Variants in ROBO1 observed in about 807,000 individuals in gnomAD.
The protein encoded by ROBO1 is roundabout guidance receptor 1.
In ROBO1, 149 loss-of-function variants were observed where a neutral mutation model predicts 195.9. The ratio of observed to expected loss-of-function variants is 0.76; its 90% CI spans 0.67 to 0.87. The LOEUF is 0.87. Among genes scored for constraint, ROBO1 ranks in the 40% least tolerant of loss-of-function variants. The probability of loss-of-function intolerance (pLI) is 0.00; values close to 1 mark genes in which losing one functional copy is unlikely to be tolerated. For missense variants in ROBO1, 1,933 were observed against 2,068.3 expected (o/e 0.93, Z 1.27); for synonymous variants, 816 against 733.2 (o/e 1.11, Z -1.82).
At chr3:78,689,935 T>C (rs546768528) in intron 8 of ROBO1, among the ~76,000 whole-genome samples, 1 of 151,104 alleles carries the variant, frequency 6.6e-6, no homozygotes, top group Non-Finnish European at 1.5e-5. Context: ...TTTGAAAAGA[T>C]ACTTTTCTTT....
rs541124406 is a variant in ROBO1 at position 78,950,471 on chromosome 3, C to T, written c.173-11544G>A. Reference sequence around the variant, plus strand: ...GTGGGAATTGAACAACGAGAACACACGGACACAGGAAGGGGAACATCACAC... The same window carrying T: ...GTGGGAATTGAACAACGAGAACACATGGACACAGGAAGGGGAACATCACAC... On this transcript the variant is annotated intron_variant, in intron 3 of 30. Transcript: ENST00000464233. 7.4e-3 allele frequency among the ~76,000 whole-genome samples: 937 copies of T among 127,182 alleles called. 9 individuals are homozygous for T. Among genetic ancestry groups the T allele is most frequent in the African/African-American group, 0.028 (911 of 32,632 alleles). 83.4% of individuals were successfully genotyped at this position (127,182 alleles called of 152,430 possible).
At chr3:78,716,437 A>C (rs183464422) in intron 7 of ROBO1, among the ~76,000 whole-genome samples, 108 of 152,206 alleles carry the variant, frequency 7.1e-4, no homozygotes, top group African/African-American at 2.4e-3. Context: ...ATCAGATCTC[A>C]TGAGAACTCA....
intron 1 of ROBO1, among the ~76,000 whole-genome samples, chr3:79,699,621 A>T (rs1327062011): frequency 4.0e-5 from 6 of 151,552 alleles, no homozygotes; most frequent in Non-Finnish European, 8.9e-5. Context: ...AAAGTCTTGG[A>T]TAGGAGCTGC....
intron 1 of ROBO1, among the ~76,000 whole-genome samples, chr3:79,725,389 G>A (rs971438342): frequency 5.3e-5 from 8 of 151,658 alleles, no homozygotes; most frequent in Non-Finnish European, 1.0e-4. Context: ...ACCACGCCCG[G>A]CTAATTTTTT....
chr3:79,657,149 T>C (rs1380012388), intron 1 of ROBO1, among the ~76,000 whole-genome samples: 1 of 152,046 alleles, frequency 6.6e-6, no homozygotes, highest in African/African-American at 2.4e-5. Context: ...AACTACCTTA[T>C]AAACACATAG....
At chr3:78,711,058 A>G (rs1257870659) in intron 8 of ROBO1, among the ~76,000 whole-genome samples, 1 of 152,200 alleles carries the variant, frequency 6.6e-6, no homozygotes, top group Non-Finnish European at 1.5e-5. Context: ...ATTTCATTGT[A>G]TATATTTAAA....
intron 3 of ROBO1, among the ~76,000 whole-genome samples, chr3:79,074,500 C>A (rs2079139007): frequency 6.6e-6 from 1 of 151,732 alleles, no homozygotes; most frequent in Non-Finnish European, 1.5e-5. Flanking sequence ...CTCACTGTAG[C>A]CTTGACCTCC....
chr3:78,717,638 T>G lies in ROBO1; in HGVS notation c.778+125A>C, dbSNP rs367620397. Reference sequence around the variant, plus strand: ...CTCAAGCTGCTTTTCTGATTTCTTCTCTCCTCTTTCTACCCACCCCCTAAA... The same window carrying G: ...CTCAAGCTGCTTTTCTGATTTCTTCGCTCCTCTTTCTACCCACCCCCTAAA... On this transcript the variant is annotated intron_variant, in intron 6 of 30. Transcript: ENST00000464233. The G allele has an allele frequency of 1.2e-5, 13 of 1,121,908 alleles. No individual in the cohort carries two copies. In the East Asian group the frequency reaches 1.8e-4, roughly 16 times the overall value. The allele number at this position is 1,121,908 out of a possible 1,614,324, so 69.5% of individuals were successfully genotyped here. A position where few individuals can be genotyped will look rare whatever the true frequency, so the allele number is the denominator to read the frequency against.
At chr3:78,864,959 G>A (rs532071073) in intron 4 of ROBO1, among the ~76,000 whole-genome samples, 2 of 152,046 alleles carry the variant, frequency 1.3e-5, no homozygotes, top group African/African-American at 2.4e-5. Flanking sequence ...AAATTTTCAC[G>A]TTTGATCGCT....
intron 10 of ROBO1, among the ~76,000 whole-genome samples, chr3:78,682,075 C>T (rs891234194): frequency 2.6e-5 from 4 of 152,010 alleles, no homozygotes; most frequent in East Asian, 1.9e-4. Context: ...CAAATTCCTC[C>T]AGAACTTCTT....
At chr3:79,213,862 G>A (rs1174919847) in intron 2 of ROBO1, among the ~76,000 whole-genome samples, 1 of 114,136 alleles carries the variant, frequency 8.8e-6, no homozygotes. Context: ...GTCTCATTCT[G>A]TCACCCAGGC....
Position 79,649,522 on chromosome 3 carries a change from G to A in ROBO1, c.-50-59561C>T, listed in dbSNP as rs113072120. Among the ~76,000 whole-genome samples, 989 of 151,838 alleles carry A rather than the reference G, an allele frequency of 6.5e-3. 10 individuals carry two copies. The highest frequency in any genetic ancestry group is 0.022 in the African/African-American group (930 of 41,424). Reference sequence around the variant, plus strand: ...TTCAGATGCAAACATTTAAACACTCGTGAATCAAAAGAATCATGAGAAAAG... The same window carrying A: ...TTCAGATGCAAACATTTAAACACTCATGAATCAAAAGAATCATGAGAAAAG... On this transcript the variant is annotated intron_variant, in intron 1 of 30. Transcript: ENST00000464233.
intron 1 of ROBO1, among the ~76,000 whole-genome samples, chr3:79,634,259 C>T (rs904255301): frequency 6.6e-6 from 1 of 152,132 alleles, no homozygotes; most frequent in Admixed American, 6.6e-5. Context: ...AAACAGTGCC[C>T]AGCAAGGGAA....
At chr3:79,186,037 G>C (rs1174305038) in intron 2 of ROBO1, among the ~76,000 whole-genome samples, 1 of 151,996 alleles carries the variant, frequency 6.6e-6, no homozygotes, top group African/African-American at 2.4e-5. Flanking sequence ...TTATTTTAAT[G>C]ATGAGGAATA....
intron 3 of ROBO1, among the ~76,000 whole-genome samples, chr3:79,076,098 C>T (rs2079167916): frequency 6.6e-6 from 1 of 150,692 alleles, no homozygotes; most frequent in Non-Finnish European, 1.5e-5. Context: ...TATAACAACA[C>T]CTATCTTATA....
chr3:79,467,831 G>C (rs984093780), intron 2 of ROBO1, among the ~76,000 whole-genome samples: 3 of 152,194 alleles, frequency 2.0e-5, no homozygotes, highest in African/African-American at 4.8e-5. Flanking sequence ...CGTGGGGCTA[G>C]AGCCTGAAAG....
intron 1 of ROBO1, among the ~76,000 whole-genome samples, chr3:79,740,672 T>C (rs1703607944): frequency 6.6e-6 from 1 of 152,094 alleles, no homozygotes; most frequent in African/African-American, 2.4e-5. Flanking sequence ...ACCGCCCCCA[T>C]GATTCAATTC....
chr3:79,155,191 C>CTT (rs767715767), intron 2 of ROBO1, among the ~76,000 whole-genome samples: 1 of 145,340 alleles, frequency 6.9e-6, no homozygotes, highest in African/African-American at 2.5e-5. Flanking sequence ...AAGATCTACC[C>CTT]TTTTTTTTTT....
At chr3:79,395,194 C>A (rs1017791717) in intron 2 of ROBO1, among the ~76,000 whole-genome samples, 5 of 151,548 alleles carry the variant, frequency 3.3e-5, no homozygotes, top group Non-Finnish European at 7.4e-5. Flanking sequence ...GTGGTGGCGG[C>A]ACCTGTGGTC....
Sources: gnomAD v4.1 joint callset for allele counts (sites outside exome capture counted in the v4.1 genomes callset) on GRCh38, gnomAD v4.1.1 for gene constraint, MANE v1.5 for transcripts, NCBI Gene and HGNC (gene_info 2026-07-23, HGNC 2026-07-21) for gene names.